Variants in IL31RA observed in about 807,000 individuals in gnomAD.
IL31RA encodes the protein interleukin-31 receptor subunit alpha.
A neutral mutation model predicts 83.7 loss-of-function variants in IL31RA; 66 were observed. The observed-to-expected ratio is 0.79, with a 90% CI of 0.65 to 0.97. The LOEUF (loss-of-function observed/expected upper bound fraction) is 0.97, where lower values mean the gene tolerates loss of function less well. Among genes scored for constraint, IL31RA ranks in the 50% least tolerant of loss-of-function variants. IL31RA has a pLI of 0.00. For synonymous variants in IL31RA, 325 were observed against 329.0 expected, an observed-to-expected ratio of 0.99 and a Z score of 0.13; for missense variants, 798 against 919.4, an observed-to-expected ratio of 0.87 and a Z score of 1.71.
intron 1 of IL31RA, among the ~76,000 whole-genome samples, chr5:55,858,626 C>CTT (rs950097534): frequency 6.7e-6 from 1 of 149,024 alleles, no homozygotes; most frequent in African/African-American, 2.5e-5. Context: ...GAACCCTTTT[C>CTT]TTTTTTTTTT....
intron 3 of IL31RA, among the ~76,000 whole-genome samples, chr5:55,871,904 A>G (rs1452659536): frequency 6.6e-6 from 1 of 152,012 alleles, no homozygotes; most frequent in Non-Finnish European, 1.5e-5. Context: ...TTACATATAT[A>G]TGTAAAAGAA....
Position 55,917,200 on chromosome 5 carries a change from C to G in IL31RA, c.*80C>G. ...GAAGATGTCAAGACTCGGCACGCAG[C>G]GCTTGCTTGGCCCTGCCACATCCTG... On this transcript the variant is annotated 3_prime_UTR_variant, in exon 15 of 15. Coordinates refer to ENST00000652347, the MANE Select transcript of IL31RA (RefSeq NM_139017.7). 1 of 1,605,234 alleles carries G rather than the reference C, an allele frequency of 6.2e-7. No homozygotes were observed. Among genetic ancestry groups the G allele is most frequent in the Non-Finnish European group, 8.5e-7 (1 of 1,179,762 alleles).
chr5:55,913,381 T>A, intron 12 of IL31RA, 96 bp from the exon 13 acceptor site: 1 of 808,070 alleles, frequency 1.2e-6, no homozygotes, highest in South Asian at 1.4e-5. Context: ...AATAAGACAT[T>A]GTGTTGCTGA....
chr5:55,854,408 AATTTC>A (rs1387531622), intron 1 of IL31RA, among the ~76,000 whole-genome samples: 4 of 152,222 alleles, frequency 2.6e-5, no homozygotes, highest in African/African-American at 4.8e-5. Context: ...TAAAAATAGC[AATTTC>A]ATTTGATTTA....
chr5:55,851,761 C>T, intron 1 of IL31RA, 128 bp downstream of exon 1: 3 of 1,587,996 alleles, frequency 1.9e-6, no homozygotes, highest in Non-Finnish European at 2.6e-6. Context: ...GTATGAGATT[C>T]CGTGGCATAA....
At chr5:55,876,395 A>G (rs922899453) in intron 4 of IL31RA, among the ~76,000 whole-genome samples, 12 of 152,138 alleles carry the variant, frequency 7.9e-5, no homozygotes, top group Non-Finnish European at 1.3e-4. Flanking sequence ...ACAGAGCAAG[A>G]TTCCATCTCA....
intron 2 of IL31RA, among the ~76,000 whole-genome samples, chr5:55,861,028 A>G (rs1035777542): frequency 6.6e-6 from 1 of 152,188 alleles, no homozygotes; most frequent in Non-Finnish European, 1.5e-5. Flanking sequence ...AGGGCCCATC[A>G]TAATGGTCCC....
chr5:55,921,511 T>C lies in IL31RA; in HGVS notation c.*4391T>C, dbSNP rs2112613541. ...TTGTCCTGTCTCTTTGGGGCTGTTT[T>C]CAAAAGTGGAATTGCTGGTCAGAAT... On this transcript the variant is annotated 3_prime_UTR_variant, in exon 15 of 15. Transcript: ENST00000652347. Among the ~76,000 whole-genome samples, 1 of 152,334 alleles carries C rather than the reference T, an allele frequency of 6.6e-6. No homozygotes were observed. Among genetic ancestry groups the C allele is most frequent in the East Asian group, 1.9e-4 (1 of 5,192 alleles).
upstream of IL31RA, among the ~76,000 whole-genome samples, chr5:55,847,226 GAAAAAAAA>G (rs57491641): frequency 1.0e-4 from 12 of 118,822 alleles, no homozygotes; most frequent in African/African-American, 4.0e-4. Context: ...CTGGGCAACA[GAAAAAAAA>G]AAAAAAATAA....
At chr5:55,911,561 A>G (rs932049887) in intron 12 of IL31RA, among the ~76,000 whole-genome samples, 9 of 152,192 alleles carry the variant, frequency 5.9e-5, no homozygotes, top group Non-Finnish European at 1.2e-4. Context: ...AATAGCAAGA[A>G]AAATTTACTA....
chr5:55,881,025 G>A (rs963728744), intron 4 of IL31RA, among the ~76,000 whole-genome samples: 2 of 152,264 alleles, frequency 1.3e-5, no homozygotes, highest in Admixed American at 6.5e-5. Flanking sequence ...TTTAGAGGCC[G>A]GGCGCGGTGG....
chr5:55,908,202 G>C (rs1580738859), intron 10 of IL31RA, 63 bp from the exon 11 acceptor site: 2 of 1,607,828 alleles, frequency 1.2e-6, no homozygotes, highest in East Asian at 4.5e-5. Context: ...CAGGGCCTTT[G>C]TGGGGGAACG....
At chr5:55,866,213 C>T (rs1418749228) in intron 2 of IL31RA, among the ~76,000 whole-genome samples, 1 of 152,142 alleles carries the variant, frequency 6.6e-6, no homozygotes, top group Non-Finnish European at 1.5e-5. Context: ...AGGAGCTGCA[C>T]CAGGCCACCC....
chr5:55,849,530 GAATTAAT>G (rs1745004857), upstream of IL31RA, among the ~76,000 whole-genome samples: 5 of 151,964 alleles, frequency 3.3e-5, 1 homozygote. Context: ...CTTTTTCCTG[GAATTAAT>G]AATTATGCCA....
chr5:55,863,761 C>A (rs1399839509), intron 2 of IL31RA, among the ~76,000 whole-genome samples: 1 of 152,204 alleles, frequency 6.6e-6, no homozygotes, highest in African/African-American at 2.4e-5. Flanking sequence ...ATTTTTGGAA[C>A]CACTTACTCT....
Position 55,860,790 on chromosome 5 carries a change from C to T in IL31RA, c.154+1191C>T, listed in dbSNP as rs771426088. Among the ~76,000 whole-genome samples, 25 of 152,186 alleles carry T rather than the reference C, an allele frequency of 1.6e-4. 1 individual carries two copies. Among genetic ancestry groups the T allele is most frequent in the Admixed American group, 1.2e-3 (18 of 15,280 alleles). On this transcript the variant is annotated intron_variant, in intron 2 of 14. Coordinates refer to ENST00000652347, the MANE Select transcript of IL31RA (RefSeq NM_139017.7). The stretch of plus-strand genomic sequence containing the variant: ...GGAAGGTGGGGAAGGCGTCATGTAG[C>T]GTATTCGTGTGCTTGGGCTGCCATA...
At chr5:55,887,977 G>A (rs1299512044) in intron 5 of IL31RA, among the ~76,000 whole-genome samples, 2 of 151,818 alleles carry the variant, frequency 1.3e-5, no homozygotes, top group African/African-American at 2.4e-5. Context: ...TTGAACCCGG[G>A]AGGCAGAGGT....
intron 2 of IL31RA, among the ~76,000 whole-genome samples, chr5:55,867,268 CGT>C (rs56374716): frequency 0.053 from 6,756 of 127,842 alleles, 635 homozygotes; most frequent in African/African-American, 0.15. Flanking sequence ...TGTTTGTGTG[CGT>C]GTGTGTGCAT....
In IL31RA at chr5:55,922,013, A is replaced by T. The variant is rs1750107448; in HGVS notation, c.*4893A>T. ...TATTGACAAGCCTACTTGTAATCAA[A>T]ATGTGTAGTGTGGTCAGTGTCTTGC... On this transcript the variant is annotated 3_prime_UTR_variant, in exon 15 of 15. Coordinates refer to ENST00000652347, the MANE Select transcript of IL31RA (RefSeq NM_139017.7). 7.2e-6 allele frequency among the ~76,000 whole-genome samples: 1 copy of T among 139,716 alleles called. No homozygotes were observed. The highest frequency in any genetic ancestry group is 2.3e-4 in the South Asian group (1 of 4,280). The allele number at this position is 139,716 out of a possible 152,430, so 91.7% of individuals were successfully genotyped here.
Sources: allele counts gnomAD v4.1 joint callset (sites outside exome capture counted in the v4.1 genomes callset), GRCh38; gene constraint gnomAD v4.1.1; transcripts MANE v1.5; gene names NCBI Gene and HGNC (gene_info 2026-07-23, HGNC 2026-07-21).